The following CHRNA7 variants were observed in gnomAD, a reference collection of about 807,000 sequenced individuals.
The protein encoded by CHRNA7 is neuronal acetylcholine receptor subunit alpha-7.
CHRNA7 carries 17 observed loss-of-function variants against 48.0 expected under a neutral mutation model. The observed-to-expected ratio is 0.35, with a 90% confidence interval of 0.24 to 0.53. The LOEUF is 0.53. Ranked by LOEUF, CHRNA7 falls within the 20% of genes least tolerant of loss-of-function variation. CHRNA7 has a pLI of 0.92. For missense variants in CHRNA7, 155 were observed against 577.7 expected (o/e 0.27, Z 7.50); for synonymous variants, 75 against 242.3 (o/e 0.31, Z 6.41).
chr15:32,098,610 T>TA (rs1392765142), intron 2 of CHRNA7: 1 of 152,354 alleles, frequency 6.6e-6, no homozygotes, highest in Non-Finnish European at 1.5e-5. Flanking sequence ...AACCGAGGGA[T>TA]AAAGGCTCAG....
At chr15:32,095,650 A>G (rs956602395) in intron 2 of CHRNA7, among the ~76,000 whole-genome samples, 3 of 152,108 alleles carry the variant, frequency 2.0e-5, no homozygotes, top group African/African-American at 7.2e-5. Flanking sequence ...GCAAACCTCT[A>G]TGGAAGACTC....
chr15:32,137,222 C>A, intron 4 of CHRNA7, among the ~76,000 whole-genome samples: 1 of 151,558 alleles, frequency 6.6e-6, no homozygotes, highest in African/African-American at 2.4e-5. Flanking sequence ...GCATTTAAAT[C>A]GAACGATAGA....
chr15:32,146,373 A>G (rs2051489391), intron 4 of CHRNA7, among the ~76,000 whole-genome samples: 1 of 152,236 alleles, frequency 6.6e-6, no homozygotes. Context: ...TAAGAATATC[A>G]GTGTCATCAC....
chr15:32,122,767 A>G (rs1034962225), intron 4 of CHRNA7, among the ~76,000 whole-genome samples: 3 of 152,040 alleles, frequency 2.0e-5, no homozygotes, highest in Non-Finnish European at 4.4e-5. Flanking sequence ...TCATTTATGC[A>G]TGTGCCAATA....
chr15:32,105,397 AGGAGGAGTT>A (rs1381945901), intron 3 of CHRNA7, among the ~76,000 whole-genome samples: 14 of 151,048 alleles, frequency 9.3e-5, no homozygotes, highest in Admixed American at 5.3e-4. Context: ...GGAAAAATGG[AGGAGGAGTT>A]GGAGGAGGTG....
chr15:32,087,383 A>G (rs1293973251), intron 2 of CHRNA7, among the ~76,000 whole-genome samples: 2 of 152,012 alleles, frequency 1.3e-5, no homozygotes, highest in Non-Finnish European at 2.9e-5. Flanking sequence ...TTCATCTGGT[A>G]TATTTCCTGC....
At chr15:32,076,459 T>C (rs527339483) in intron 2 of CHRNA7, among the ~76,000 whole-genome samples, 1 of 152,314 alleles carries the variant, frequency 6.6e-6, no homozygotes, top group Non-Finnish European at 1.5e-5. Flanking sequence ...TTATTTGATA[T>C]TATATCAGGC....
intron 2 of CHRNA7, among the ~76,000 whole-genome samples, chr15:32,061,358 C>A (rs544993744): frequency 6.6e-6 from 1 of 152,282 alleles, no homozygotes. Context: ...AGGTCTGGTT[C>A]AAATGGAGGT....
chr15:32,137,293 A>G (rs2051287681), intron 4 of CHRNA7, among the ~76,000 whole-genome samples: 2 of 150,676 alleles, frequency 1.3e-5, no homozygotes, highest in Non-Finnish European at 2.9e-5. Context: ...GGAAAAACAA[A>G]AACAGGAACA....
At chr15:32,091,465 G>T (rs891653951) in intron 2 of CHRNA7, among the ~76,000 whole-genome samples, 2 of 152,140 alleles carry the variant, frequency 1.3e-5, no homozygotes, top group Non-Finnish European at 2.9e-5. Flanking sequence ...GACTTGCAAA[G>T]TTCCTAGGCT....
rs1476486681 is a variant in CHRNA7 at position 32,167,788 on chromosome 15, G to T, written c.991-152G>T. On this transcript the variant is annotated intron_variant, in intron 9 of 9. Coordinates refer to ENST00000306901, the MANE Select transcript of CHRNA7 (RefSeq NM_000746.6). ...GAACTCGACTGCTTGTCATACGCAA[G>T]CACTGCTTGCCTGCTAAAATCATCT... 4.3e-6 allele frequency: 2 copies of T among 464,032 alleles called. 1 individual carries two copies. The highest frequency in any genetic ancestry group is 5.2e-5 in the African/African-American group (2 of 38,570). The allele number at this position is 464,032 out of a possible 1,614,324, so 28.7% of individuals were successfully genotyped here. A position where few individuals can be genotyped will look rare whatever the true frequency, so the allele number is the denominator to read the frequency against.
intron 2 of CHRNA7, among the ~76,000 whole-genome samples, chr15:32,087,786 A>G (rs745636617): frequency 1.3e-5 from 2 of 152,212 alleles, no homozygotes; most frequent in African/African-American, 2.4e-5. Context: ...GTAGAGTGCA[A>G]TGCTGATACA....
intron 4 of CHRNA7, among the ~76,000 whole-genome samples, chr15:32,122,087 G>C (rs954310710): frequency 1.1e-4 from 17 of 152,194 alleles, no homozygotes; most frequent in African/African-American, 4.1e-4. Context: ...TGTCCAGTGA[G>C]CTCCTTGGGA....
At chr15:32,140,923 T>C (rs942070257) in intron 4 of CHRNA7, among the ~76,000 whole-genome samples, 8 of 152,248 alleles carry the variant, frequency 5.3e-5, no homozygotes, top group African/African-American at 1.9e-4. Flanking sequence ...CTCTTTAGTT[T>C]AATTAAATCC....
rs546500130 is a variant in CHRNA7 at position 32,146,137 on chromosome 15, T to C, written c.351-7770T>C. Among the ~76,000 whole-genome samples the C allele has an allele frequency of 3.7e-4, 57 of 152,338 alleles. 1 individual carries two copies. The South Asian group carries it at 0.011, about 30-fold the overall frequency. The stretch of plus-strand genomic sequence containing the variant: ...AAATAAATCCTAACAAGTTTAGGCT[T>C]CTATTAGGAATGCACAGTTTGTTTA... On this transcript the variant is annotated intron_variant, in intron 4 of 9. Coordinates refer to ENST00000306901, the MANE Select transcript of CHRNA7 (RefSeq NM_000746.6).
intron 4 of CHRNA7, among the ~76,000 whole-genome samples, chr15:32,122,577 A>T (rs968571419): frequency 2.0e-5 from 3 of 152,044 alleles, no homozygotes; most frequent in African/African-American, 7.2e-5. Flanking sequence ...GAGACTATCC[A>T]TTTATTCTAC....
chr15:32,105,377 G>A (rs1461266273), intron 3 of CHRNA7, among the ~76,000 whole-genome samples: 3 of 151,640 alleles, frequency 2.0e-5, no homozygotes, highest in African/African-American at 7.3e-5. Context: ...GGAGGAGGAG[G>A]AAAAAAGGAG....
intron 4 of CHRNA7, among the ~76,000 whole-genome samples, chr15:32,122,336 A>ATG (rs1308937551): frequency 2.0e-5 from 3 of 152,292 alleles, no homozygotes; most frequent in East Asian, 1.9e-4. Flanking sequence ...TGGGGCAGGG[A>ATG]TGTAGGGTAT....
intron 4 of CHRNA7, among the ~76,000 whole-genome samples, chr15:32,136,315 A>T (rs1360137914): frequency 1.3e-5 from 2 of 151,842 alleles, no homozygotes; most frequent in Non-Finnish European, 2.9e-5. Flanking sequence ...ACATGGTGAA[A>T]CCCCATCTCT....
Sources: allele counts gnomAD v4.1 joint callset (sites outside exome capture counted in the v4.1 genomes callset), GRCh38; gene constraint gnomAD v4.1.1; transcripts MANE v1.5; gene names NCBI Gene and HGNC (gene_info 2026-07-23, HGNC 2026-07-21).